The following CYB5R4 variants were observed in gnomAD, a reference collection of about 807,000 sequenced individuals.
CYB5R4 encodes cytochrome b5 reductase 4, also known as N-terminal cytochrome b5 and cytochrome b5 oxidoreductase domain-containing protein.
In CYB5R4, 55 loss-of-function variants were observed where a neutral mutation model predicts 70.2. The observed-to-expected ratio is 0.78, with a 90% confidence interval of 0.63 to 0.98. The LOEUF (loss-of-function observed/expected upper bound fraction) is 0.98. Ranked by LOEUF, CYB5R4 falls within the 50% of genes least tolerant of loss-of-function variation. The probability of loss-of-function intolerance (pLI) is 0.00; values close to 1 mark genes in which losing one functional copy is unlikely to be tolerated. For missense variants in CYB5R4, 562 were observed against 612.6 expected, an observed-to-expected ratio of 0.92 and a Z score of 0.87; for synonymous variants, 197 against 199.5, an observed-to-expected ratio of 0.99 and a Z score of 0.11.
intron 14 of CYB5R4, among the ~76,000 whole-genome samples, chr6:83,941,342 A>G (rs1405285595): frequency 1.3e-5 from 2 of 152,222 alleles, no homozygotes; most frequent in African/African-American, 4.8e-5. Flanking sequence ...GTTCAGAACA[A>G]TCTTTTCACA....
At chr6:83,928,422 G>A (rs920308616) in intron 10 of CYB5R4, among the ~76,000 whole-genome samples, 1 of 152,158 alleles carries the variant, frequency 6.6e-6, no homozygotes, top group African/African-American at 2.4e-5. Flanking sequence ...AATAGACACA[G>A]ATGAATTTGG....
At chr6:83,925,582 A>C (rs1380477246) in intron 10 of CYB5R4, among the ~76,000 whole-genome samples, 1 of 152,046 alleles carries the variant, frequency 6.6e-6, no homozygotes, top group Non-Finnish European at 1.5e-5. Flanking sequence ...TTCTCTTTGG[A>C]AATTGGTAGT....
rs2099473079 is a variant in CYB5R4, at chr6:83,960,060, CTTAT to C, written c.*185_*188del. The C allele has an allele frequency of 6.8e-6, 3 of 440,366 alleles. No individual in the cohort carries two copies. The East Asian group carries it at 1.2e-4, about 17-fold the overall frequency. 27.3% of individuals were successfully genotyped at this position (440,366 alleles called of 1,614,324 possible). A position where few individuals can be genotyped will look rare whatever the true frequency, so the allele number is the denominator to read the frequency against. ...TTCTTGGCTTTCTTTTGTACCACAA[CTTAT>C]TTTACTACTGATATTTGACCTGGAA... On this transcript the variant is annotated 3_prime_UTR_variant, in exon 16 of 16. Coordinates refer to ENST00000369681, the MANE Select transcript of CYB5R4 (RefSeq NM_016230.4).
Position 83,893,559 on chromosome 6 carries a change from T to C in CYB5R4, c.267T>C (p.His89=). The C allele has an allele frequency of 6.2e-7, 1 of 1,613,204 alleles. No homozygotes were observed. The highest frequency in any genetic ancestry group is 8.5e-7 in the Non-Finnish European group (1 of 1,179,326). The change falls in exon 3 of 16, where the codon CAT becomes CAC. Residue 89 remains histidine (H), a synonymous_variant. Coordinates refer to ENST00000369681, the MANE Select transcript of CYB5R4 (RefSeq NM_016230.4). ...VYNVSPYMEY[H]PGGEDELMRA... ...ATGTCAGCCCTTATATGGAGTATCA[T>C]CCTGGTGGAGAAGATGAACTAATGA...
intron 15 of CYB5R4, among the ~76,000 whole-genome samples, chr6:83,959,587 A>T (rs937457748): frequency 2.0e-5 from 3 of 152,148 alleles, no homozygotes; most frequent in African/African-American, 7.2e-5. Context: ...ACTATTTTTT[A>T]AAATTATGAC....
At chr6:83,900,804 G>A (rs929135761) in intron 3 of CYB5R4, among the ~76,000 whole-genome samples, 2 of 151,592 alleles carry the variant, frequency 1.3e-5, no homozygotes, top group Non-Finnish European at 2.9e-5. Context: ...GCCTTTTTTT[G>A]TTTTCCATTT....
At chr6:83,910,260 C>T (rs987311600) in intron 4 of CYB5R4, 2 of 805,466 alleles carry the variant, frequency 2.5e-6, no homozygotes, top group African/African-American at 3.5e-5. Flanking sequence ...CTTCTAGAAG[C>T]CTCAGTTTCC....
chr6:83,922,500 TGTAC>T, intron 9 of CYB5R4, 30 bp downstream of exon 9: 1 of 1,540,618 alleles, frequency 6.5e-7, no homozygotes, highest in Non-Finnish European at 9.0e-7. Context: ...AAATTATGTA[TGTAC>T]GTACATATAC....
At chr6:83,867,403 G>C (rs1562825608) in intron 2 of CYB5R4, among the ~76,000 whole-genome samples, 1 of 152,226 alleles carries the variant, frequency 6.6e-6, no homozygotes, top group Non-Finnish European at 1.5e-5. Context: ...TTGAAAGCCA[G>C]ACTGGGAAAT....
At position 83,961,303 on chromosome 6, in the gene CYB5R4, A is replaced by G. The variant is rs2099473301; in HGVS notation, c.*1425A>G. 1 of 151,994 alleles carries G rather than the reference A, an allele frequency of 6.6e-6. No homozygotes were observed. Among genetic ancestry groups the G allele is most frequent in the Non-Finnish European group, 1.5e-5 (1 of 68,038 alleles). 9.4% of individuals were successfully genotyped at this position (151,994 alleles called of 1,614,324 possible). A position where few individuals can be genotyped will look rare whatever the true frequency, so the allele number is the denominator to read the frequency against. On this transcript the variant is annotated 3_prime_UTR_variant, in exon 16 of 16. Coordinates refer to ENST00000369681, the MANE Select transcript of CYB5R4 (RefSeq NM_016230.4). ...GGTAACAAGAACTTTTTCTAGCTTC[A>G]TGCCTTCCCCCTACTTATTTTTTTC...
At chr6:83,928,587 C>A (rs2099467681) in intron 10 of CYB5R4, among the ~76,000 whole-genome samples, 1 of 151,974 alleles carries the variant, frequency 6.6e-6, no homozygotes, top group Non-Finnish European at 1.5e-5. Flanking sequence ...AAGCATTTTG[C>A]TGGGTGTAGA....
Position 83,909,021 on chromosome 6 carries a change from G to A in CYB5R4, c.343G>A (p.Val115Ile). The A allele has an allele frequency of 6.2e-7, 1 of 1,613,414 alleles. No homozygotes were observed. Among genetic ancestry groups the A allele is most frequent in the Non-Finnish European group, 8.5e-7 (1 of 1,179,524 alleles). The change falls in exon 4 of 16, where the codon GTC (valine) becomes ATC (isoleucine). Residue 115 changes from valine to isoleucine, a missense_variant. Transcript: ENST00000369681. ...TTTTACATACCAGGTTCATCGTTGG[G>A]TCAATTATGAATCCATGCTGAAAGA... ...TELFDQVHRW[V>I]NYESMLKECL...
chr6:83,889,149 A>G (rs4706190), intron 2 of CYB5R4, among the ~76,000 whole-genome samples: 23,470 of 152,244 alleles, frequency 0.15, 3,536 homozygotes, highest in African/African-American at 0.38. Context: ...TGCAATGTGA[A>G]GCATCAAATG....
At chr6:83,924,392 A>T (rs1317693714) in intron 9 of CYB5R4, 78 bp from the exon 10 acceptor site, 1 of 1,452,054 alleles carries the variant, frequency 6.9e-7, no homozygotes, top group East Asian at 2.3e-5. Flanking sequence ...CACTTGTACT[A>T]TTTGAGAAAT....
chr6:83,934,653 G>C lies in CYB5R4; in HGVS notation c.873G>C (p.Arg291Ser), dbSNP rs1176220236. ...AGGAAGATGTTACTCATGATACGAG[G>C]CTTTTCTGTTTGATGCTGCCACCAA... ...ISKEDVTHDT[R>S]LFCLMLPPST... Residue 291 changes from arginine to serine, a missense_variant, in exon 11 of 16, where the codon AGG (arginine) becomes AGC (serine). Arg to Ser is a moderately radical substitution (Grantham distance 110, BLOSUM62 -1). Coordinates refer to ENST00000369681, the MANE Select transcript of CYB5R4 (RefSeq NM_016230.4). 2 of 1,613,294 alleles carry C rather than the reference G, an allele frequency of 1.2e-6. No individual in the cohort carries two copies. The highest frequency in any genetic ancestry group is 1.7e-6 in the Non-Finnish European group (2 of 1,179,472).
intron 5 of CYB5R4, among the ~76,000 whole-genome samples, chr6:83,915,950 C>T (rs1286681201): frequency 6.6e-6 from 1 of 152,114 alleles, no homozygotes; most frequent in African/African-American, 2.4e-5. Flanking sequence ...GCATTCAGTC[C>T]ACCTTGCATT....
rs1476657027 is a variant in CYB5R4, at chr6:83,909,011, T to A, written c.333T>A (p.Val111=). The part of the protein sequence containing the change: ...GSDGTELFDQ[V]HRWVNYESML... ...CCATCATTTGTTTTACATACCAGGTTCATCGTTGGGTCAATTATGAATCCA... is the reference window on the plus strand; with the variant it reads ...CCATCATTTGTTTTACATACCAGGTACATCGTTGGGTCAATTATGAATCCA... The change falls in exon 4 of 16, where the codon GTT becomes GTA. Residue 111 remains valine (V), a splice_region_variant and synonymous_variant. Transcript: ENST00000369681. The A allele has an allele frequency of 6.2e-7, 1 of 1,613,352 alleles. No homozygotes were observed. Among genetic ancestry groups the A allele is most frequent in the Admixed American group, 1.7e-5 (1 of 59,970 alleles).
chr6:83,923,484 T>C (rs951586652), intron 9 of CYB5R4, among the ~76,000 whole-genome samples: 1 of 151,980 alleles, frequency 6.6e-6, no homozygotes, highest in Non-Finnish European at 1.5e-5. Flanking sequence ...TTACTGGGTG[T>C]TGTGTTCACT....
intron 14 of CYB5R4, among the ~76,000 whole-genome samples, chr6:83,952,668 A>G (rs903773320): frequency 6.6e-5 from 10 of 152,192 alleles, no homozygotes; most frequent in Non-Finnish European, 4.4e-5. Context: ...AGGAATCTTA[A>G]TAGTTATCAT....
Sources: gnomAD v4.1 joint callset for allele counts (sites outside exome capture counted in the v4.1 genomes callset) on GRCh38, gnomAD v4.1.1 for gene constraint, MANE v1.5 for transcripts, NCBI Gene and HGNC (gene_info 2026-07-23, HGNC 2026-07-21) for gene names.